The following CDK8 variants were observed in gnomAD, a reference collection of about 807,000 sequenced individuals.
CDK8 encodes the protein cyclin dependent kinase 8.
A neutral mutation model predicts 71.5 loss-of-function variants in CDK8; 29 were observed. That is an observed-to-expected ratio of 0.41 (90% confidence interval 0.30 to 0.55). CDK8 has a LOEUF of 0.55. Among genes scored for constraint, CDK8 ranks in the 20% least tolerant of loss-of-function variants. The pLI, the probability that CDK8 is intolerant of heterozygous loss-of-function variation, is 0.37. For missense variants in CDK8, 288 were observed against 572.6 expected (o/e 0.50, Z 5.07); for synonymous variants, 161 against 192.1 (o/e 0.84, Z 1.34).
intron 1 of CDK8, among the ~76,000 whole-genome samples, chr13:26,334,904 C>G (rs1872911623): frequency 6.6e-6 from 1 of 152,114 alleles, no homozygotes; most frequent in Admixed American, 6.5e-5. Context: ...GCCTCTGAAC[C>G]AACTTCTTTC....
At chr13:26,332,355 C>T (rs1359874856) in intron 1 of CDK8, among the ~76,000 whole-genome samples, 2 of 151,836 alleles carry the variant, frequency 1.3e-5, no homozygotes, top group Non-Finnish European at 2.9e-5. Flanking sequence ...CATGGTGGTG[C>T]GTGCCTGTAA....
chr13:26,315,709 G>A (rs1030796512), intron 1 of CDK8, among the ~76,000 whole-genome samples: 1 of 152,118 alleles, frequency 6.6e-6, no homozygotes, highest in African/African-American at 2.4e-5. Context: ...TTCTAGCCAT[G>A]TTACTTTGAA....
intron 4 of CDK8, among the ~76,000 whole-genome samples, chr13:26,373,632 G>A (rs1265802159): frequency 6.6e-6 from 1 of 152,104 alleles, no homozygotes; most frequent in Non-Finnish European, 1.5e-5. Flanking sequence ...CAACTGTTAT[G>A]TAGTCATTAA....
chr13:26,346,444 T>C (rs1873465154), intron 2 of CDK8, among the ~76,000 whole-genome samples: 1 of 152,252 alleles, frequency 6.6e-6, no homozygotes, highest in South Asian at 2.1e-4. Flanking sequence ...TGTTGTTTTT[T>C]TATAATTTAC....
At chr13:26,379,678 T>C (rs550042244) in intron 4 of CDK8, among the ~76,000 whole-genome samples, 4 of 152,096 alleles carry the variant, frequency 2.6e-5, no homozygotes, top group Non-Finnish European at 4.4e-5. Context: ...AGGAGAGACA[T>C]GTGCATGTAT....
At chr13:26,321,052 G>A (rs972514428) in intron 1 of CDK8, among the ~76,000 whole-genome samples, 4 of 152,052 alleles carry the variant, frequency 2.6e-5, no homozygotes, top group African/African-American at 9.7e-5. Context: ...CTTCAAAGAG[G>A]AATATAAATC....
At chr13:26,341,275 C>T (rs373634315) in intron 2 of CDK8, among the ~76,000 whole-genome samples, 15 of 152,030 alleles carry the variant, frequency 9.9e-5, no homozygotes, top group Non-Finnish European at 1.3e-4. Flanking sequence ...TACAGGTGCG[C>T]GCCACCACAC....
At chr13:26,259,458 G>A (rs1277911612) in intron 1 of CDK8, among the ~76,000 whole-genome samples, 1 of 152,084 alleles carries the variant, frequency 6.6e-6, no homozygotes, top group East Asian at 1.9e-4. Context: ...TGTGTGGGAG[G>A]ATATGCGTAG....
intron 1 of CDK8, among the ~76,000 whole-genome samples, chr13:26,257,925 A>G (rs74040465): frequency 2.3e-5 from 3 of 131,330 alleles, no homozygotes; most frequent in African/African-American, 4.0e-5. Flanking sequence ...TGTGTGTGAG[A>G]GAGAGAGAGA....
chr13:26,371,102 C>T (rs1217533970), intron 4 of CDK8, among the ~76,000 whole-genome samples: 1 of 152,070 alleles, frequency 6.6e-6, no homozygotes, highest in Non-Finnish European at 1.5e-5. Context: ...ATCCCCTGAA[C>T]CCCCAGCCCC....
In CDK8 at chr13:26,275,657, A is replaced by G. The variant is rs562487278; in HGVS notation, c.128+20888A>G. ...AACTATTACAGAATTTAAAAAATGT[A>G]CTCCAAAGTAGAGACGGTTCAATAA... On this transcript the variant is annotated intron_variant, in intron 1 of 12. Coordinates refer to ENST00000381527, the MANE Select transcript of CDK8 (RefSeq NM_001260.3). Among the ~76,000 whole-genome samples the G allele has an allele frequency of 3.9e-5, 6 of 152,324 alleles. No homozygotes were observed. In the South Asian group the frequency reaches 1.2e-3, roughly 32 times the overall value.
chr13:26,283,896 C>CAA (rs752553551), intron 1 of CDK8, among the ~76,000 whole-genome samples: 9,580 of 89,276 alleles, frequency 0.11, 1,016 homozygotes, highest in African/African-American at 0.29. Context: ...GACTCCATCT[C>CAA]AAAAAAAAAA....
At chr13:26,261,502 C>T (rs1238265153) in intron 1 of CDK8, among the ~76,000 whole-genome samples, 3 of 152,166 alleles carry the variant, frequency 2.0e-5, no homozygotes, top group Non-Finnish European at 4.4e-5. Flanking sequence ...CACTAATCTA[C>T]TTTCTGTCTC....
chr13:26,385,416 A>T (rs1875427164), intron 6 of CDK8, 74 bp downstream of exon 6: 13 of 1,242,206 alleles, frequency 1.0e-5, no homozygotes, highest in Non-Finnish European at 1.3e-5. Context: ...ATATATTTTT[A>T]AATTAAGTAG....
intron 4 of CDK8, among the ~76,000 whole-genome samples, chr13:26,375,586 C>A (rs1005029206): frequency 1.3e-5 from 2 of 152,168 alleles, no homozygotes; most frequent in Admixed American, 1.3e-4. Context: ...TAAAAATATA[C>A]CACAACAGTG....
chr13:26,290,905 A>C (rs1005411992), intron 1 of CDK8, among the ~76,000 whole-genome samples: 2 of 152,096 alleles, frequency 1.3e-5, no homozygotes, highest in Non-Finnish European at 2.9e-5. Flanking sequence ...TCATGAGGTC[A>C]AGAGTTTGAG....
chr13:26,356,356 A>G (rs1873897906), intron 4 of CDK8, among the ~76,000 whole-genome samples: 1 of 152,212 alleles, frequency 6.6e-6, no homozygotes, highest in South Asian at 2.1e-4. Flanking sequence ...TTATTAATCC[A>G]AAAAGTTCTG....
chr13:26,336,831 G>A lies in CDK8; in HGVS notation c.129-736G>A, dbSNP rs567129986. ...GGCCTCCCAAAGTGCTGGGATTACAGGCGTGAGCCACCGCGCCCGGCCTCT... is the reference window on the plus strand; with the variant it reads ...GGCCTCCCAAAGTGCTGGGATTACAAGCGTGAGCCACCGCGCCCGGCCTCT... On this transcript the variant is annotated intron_variant, in intron 1 of 12. Transcript: ENST00000381527. Among the ~76,000 whole-genome samples the A allele has an allele frequency of 4.6e-5, 7 of 152,252 alleles. No individual in the cohort carries two copies. The South Asian group carries it at 1.5e-3, about 32-fold the overall frequency.
At chr13:26,344,535 CAGAT>C (rs1873379524) in intron 2 of CDK8, among the ~76,000 whole-genome samples, 2 of 152,104 alleles carry the variant, frequency 1.3e-5, no homozygotes, top group African/African-American at 4.8e-5. Flanking sequence ...CCGAGGTGGA[CAGAT>C]AGATCACTGG....
Sources: gnomAD v4.1 joint callset for allele counts (sites outside exome capture counted in the v4.1 genomes callset) on GRCh38, gnomAD v4.1.1 for gene constraint, MANE v1.5 for transcripts, NCBI Gene and HGNC (gene_info 2026-07-23, HGNC 2026-07-21) for gene names.